Variants in MIB1 observed in about 807,000 individuals in gnomAD.
The protein encoded by MIB1 is MIB E3 ubiquitin protein ligase 1, also known as E3 ubiquitin-protein ligase MIB1.
MIB1 carries 278 observed loss-of-function variants against 124.5 expected under a neutral mutation model. That is an observed-to-expected ratio of 2.23 (90% CI 2.02 to 2.47). The LOEUF is 2.47. Among genes scored for constraint, MIB1 ranks in the 30% most tolerant of loss-of-function variants. MIB1 has a pLI of 0.00. For missense variants in MIB1, 957 were observed against 1,254.4 expected, an observed-to-expected ratio of 0.76 and a Z score of 3.58; for synonymous variants, 446 against 429.4, an observed-to-expected ratio of 1.04 and a Z score of -0.48.
chr18:21,758,596 G>A (rs1234792705), intron 1 of MIB1, among the ~76,000 whole-genome samples: 4 of 151,762 alleles, frequency 2.6e-5, no homozygotes, highest in East Asian at 1.9e-4. Flanking sequence ...GTGCAATGGC[G>A]TGGTCTTGAC....
chr18:21,781,403 A>G (rs1460860405), intron 6 of MIB1, among the ~76,000 whole-genome samples: 4 of 76,750 alleles, frequency 5.2e-5, no homozygotes, highest in African/African-American at 2.5e-4. Flanking sequence ...ATATATATAT[A>G]TATATATATA....
At chr18:21,762,469 A>G (rs187566168) in intron 1 of MIB1, among the ~76,000 whole-genome samples, 2 of 152,374 alleles carry the variant, frequency 1.3e-5, no homozygotes, top group Admixed American at 1.3e-4. Context: ...GCAAGGAACT[A>G]CAATGTGACA....
chr18:21,794,597 G>C (rs1229941389), intron 7 of MIB1, among the ~76,000 whole-genome samples: 1 of 152,068 alleles, frequency 6.6e-6, no homozygotes, highest in Non-Finnish European at 1.5e-5. Context: ...AAATTTTGAA[G>C]GGGCACATTG....
In MIB1 at chr18:21,838,467, C is replaced by T. The variant is rs369516999; in HGVS notation, c.1932C>T (p.His644=). The T allele has an allele frequency of 9.9e-6, 16 of 1,608,164 alleles. No individual in the cohort carries two copies. The highest frequency in any genetic ancestry group is 2.2e-5 in the South Asian group (2 of 89,368). ...TACATCTGGCTGCCCTTAATAATCA[C>T]GTAGAAGTGGCTGAACTGTTGGTAC... ...TALHLAALNN[H]VEVAELLVHQ... The change falls in exon 13 of 21, where the codon CAC becomes CAT. Residue 644 remains histidine (H), a synonymous_variant. Coordinates refer to ENST00000261537, the MANE Select transcript of MIB1 (RefSeq NM_020774.4).
At chr18:21,842,544 G>A (rs1045112374) in intron 13 of MIB1, among the ~76,000 whole-genome samples, 1 of 152,076 alleles carries the variant, frequency 6.6e-6, no homozygotes, top group Non-Finnish European at 1.5e-5. Context: ...TTCTTCATTA[G>A]GGTTCAGCTG....
upstream of MIB1, among the ~76,000 whole-genome samples, chr18:21,738,399 G>A (rs556397028): frequency 6.6e-6 from 1 of 152,282 alleles, no homozygotes; most frequent in South Asian, 2.1e-4. Flanking sequence ...AAGACACAAT[G>A]TACCAGAATC....
chr18:21,817,162 T>TTTC (rs2041837213), intron 11 of MIB1, among the ~76,000 whole-genome samples: 1 of 143,460 alleles, frequency 7.0e-6, no homozygotes, highest in Admixed American at 7.0e-5. Context: ...TTCTTTTTTT[T>TTTC]TTTTTTTTTT....
chr18:21,740,596 G>T (rs879882267), upstream of MIB1, among the ~76,000 whole-genome samples: 1 of 152,236 alleles, frequency 6.6e-6, no homozygotes, highest in African/African-American at 2.4e-5. Flanking sequence ...CCAGCAGCCC[G>T]GGTAGCTTCC....
At chr18:21,729,883 A>C (rs539309249) in intron 1 of MIB1, among the ~76,000 whole-genome samples, 1 of 152,334 alleles carries the variant, frequency 6.6e-6, no homozygotes, top group South Asian at 2.1e-4. Flanking sequence ...TTGGAGATTA[A>C]GTGTCAACAC....
In MIB1 at chr18:21,768,650, T is replaced by G. The variant is rs1223688882; in HGVS notation, c.429T>G (p.Ser143=). 1.9e-6 allele frequency: 3 copies of G among 1,589,766 alleles called. No homozygotes were observed. In the East Asian group the frequency reaches 6.8e-5, roughly 36 times the overall value. ...ERVLLESRRK[S]KKITARGIFA... Reference sequence around the variant, plus strand: ...TTCTGTTAGAGTCTCGTAGGAAATCTAAGAAGATTACAGCCAGAGGAATCT... The same window carrying G: ...TTCTGTTAGAGTCTCGTAGGAAATCGAAGAAGATTACAGCCAGAGGAATCT... Residue 143 remains serine (S), a synonymous_variant, in exon 3 of 21, where the codon TCT becomes TCG. Transcript: ENST00000261537.
At chr18:21,853,878 T>C (rs2042202442) in intron 18 of MIB1, among the ~76,000 whole-genome samples, 1 of 151,974 alleles carries the variant, frequency 6.6e-6, no homozygotes, top group Non-Finnish European at 1.5e-5. Flanking sequence ...TTTTATTTTT[T>C]ATTTTTGGCA....
At chr18:21,859,835 G>A (rs2042259235) in intron 20 of MIB1, among the ~76,000 whole-genome samples, 2 of 137,262 alleles carry the variant, frequency 1.5e-5, no homozygotes, top group Admixed American at 1.6e-4. Context: ...GTTGCAGTGA[G>A]CCGAGATCAT....
At chr18:21,709,900 G>T (rs1196401919) in intron 1 of MIB1, among the ~76,000 whole-genome samples, 3 of 152,220 alleles carry the variant, frequency 2.0e-5, no homozygotes, top group Non-Finnish European at 4.4e-5. Context: ...AGGGTCTGAA[G>T]ATAGAAGCAA....
At chr18:21,859,392 C>CAAA (rs55876332) in intron 20 of MIB1, among the ~76,000 whole-genome samples, 8 of 122,044 alleles carry the variant, frequency 6.6e-5, no homozygotes, top group Admixed American at 1.6e-4. Context: ...GACCCCATCT[C>CAAA]AAAAAAAAAA....
chr18:21,778,918 A>G (rs1170886895), intron 5 of MIB1, among the ~76,000 whole-genome samples: 1 of 152,146 alleles, frequency 6.6e-6, no homozygotes, highest in Non-Finnish European at 1.5e-5. Flanking sequence ...TGCAAAATCA[A>G]CATGCATATT....
rs78208943 is a variant in MIB1, at chr18:21,814,147, C to T, written c.1480-1469C>T. On this transcript the variant is annotated intron_variant, in intron 10 of 20. Coordinates refer to ENST00000261537, the MANE Select transcript of MIB1 (RefSeq NM_020774.4). ...GCCTTCTCATTTCTTCAGAAATATG[C>T]CTGTTACAGGAGGTGAGGCAAATCT... is the stretch of plus-strand genomic sequence containing the variant. Among the ~76,000 whole-genome samples the T allele has an allele frequency of 6.4e-4, 97 of 152,134 alleles. 1 individual carries two copies. In the East Asian group the frequency reaches 0.017, roughly 27 times the overall value.
At chr18:21,740,708 C>A (rs2040835818), upstream of MIB1, among the ~76,000 whole-genome samples, 1 of 152,236 alleles carries the variant, frequency 6.6e-6, no homozygotes, top group African/African-American at 2.4e-5. Flanking sequence ...CAGGGATCCG[C>A]CCCTGGGCCC....
intron 6 of MIB1, among the ~76,000 whole-genome samples, chr18:21,788,904 C>G (rs985806561): frequency 6.6e-6 from 1 of 151,994 alleles, no homozygotes; most frequent in African/African-American, 2.4e-5. Context: ...TAAATTTAAC[C>G]AAGGAGATGC....
intron 10 of MIB1, among the ~76,000 whole-genome samples, chr18:21,813,226 GAA>G (rs751145137): frequency 3.6e-5 from 4 of 112,152 alleles, no homozygotes; most frequent in Admixed American, 8.8e-5. Context: ...AACTGTAACA[GAA>G]AAAAAAAAAA....
Sources: allele counts gnomAD v4.1 joint callset (sites outside exome capture counted in the v4.1 genomes callset), GRCh38; gene constraint gnomAD v4.1.1; transcripts MANE v1.5; gene names NCBI Gene and HGNC (gene_info 2026-07-23, HGNC 2026-07-21).